The following SPECC1L variants were observed in gnomAD, a reference collection of about 807,000 sequenced individuals.
The protein encoded by SPECC1L is sperm antigen with calponin homology and coiled-coil domains 1 like.
SPECC1L carries 40 observed loss-of-function variants against 116.8 expected under a neutral mutation model. The ratio of observed to expected loss-of-function variants is 0.34; its 90% CI spans 0.27 to 0.45. The LOEUF is 0.45. Among genes scored for constraint, SPECC1L ranks in the 20% least tolerant of loss-of-function variants. The pLI is 1.00. For missense variants in SPECC1L, 1,110 were observed against 1,373.6 expected (o/e 0.81, Z 3.03); for synonymous variants, 504 against 500.6 (o/e 1.01, Z -0.09).
At chr22:24,412,846 C>CCCAG in intron 16 of SPECC1L, 139 bp downstream of exon 16, 1 of 868,114 alleles carries the variant, frequency 1.2e-6, no homozygotes, top group Non-Finnish European at 1.9e-6. Flanking sequence ...GCTCTGGGGC[C>CCCAG]AAGGGAGGGT....
intron 14 of SPECC1L, among the ~76,000 whole-genome samples, chr22:24,403,589 T>C (rs536198772): frequency 6.6e-6 from 1 of 151,956 alleles, no homozygotes; most frequent in East Asian, 1.9e-4. Context: ...AGGACATGAG[T>C]GCAGAGTGGA....
intron 11 of SPECC1L, among the ~76,000 whole-genome samples, chr22:24,354,178 A>G (rs2041481033): frequency 6.6e-6 from 1 of 151,970 alleles, no homozygotes; most frequent in Non-Finnish European, 1.5e-5. Flanking sequence ...TGACCCGGGT[A>G]CCTCCTACCA....
chr22:24,361,852 A>G (rs1329184475), intron 11 of SPECC1L, among the ~76,000 whole-genome samples: 6 of 151,786 alleles, frequency 4.0e-5, no homozygotes, highest in Admixed American at 1.3e-4. Flanking sequence ...AAGAAGAAGA[A>G]GAGGAAGAGG....
At position 24,405,380 on chromosome 22, in the gene SPECC1L, A is replaced by G. The variant is rs570411431; in HGVS notation, c.3088-6208A>G. On this transcript the variant is annotated intron_variant, in intron 14 of 16. Transcript: ENST00000314328. ...GAGGTTTACAGGTCACATGAATATG[A>G]TGAGGGTCAGCAGAATTGCGGCCAC... Among the ~76,000 whole-genome samples, 67 of 151,604 alleles carry G rather than the reference A, an allele frequency of 4.4e-4. 3 individuals are homozygous for G. In the South Asian group the frequency reaches 0.012, roughly 26 times the overall value.
At chr22:24,407,662 C>G (rs775735480) in intron 14 of SPECC1L, among the ~76,000 whole-genome samples, 44 of 152,322 alleles carry the variant, frequency 2.9e-4, no homozygotes, top group Middle Eastern at 3.4e-3. Flanking sequence ...CTGGCCCCCT[C>G]TCCCTGCAAG....
chr22:24,345,117 G>C (rs2041263950), intron 10 of SPECC1L, among the ~76,000 whole-genome samples: 2 of 152,158 alleles, frequency 1.3e-5, no homozygotes, highest in Admixed American at 6.5e-5. Context: ...TGGAGGACTT[G>C]TACTACCTGA....
rs11398083 is a variant in SPECC1L at position 24,334,014 on chromosome 22, G to GTT, written c.2397-381_2397-380dup. Among the ~76,000 whole-genome samples the GTT allele has an allele frequency of 4.2e-3, 558 of 132,502 alleles. 4 individuals are homozygous for GTT. Among genetic ancestry groups the GTT allele is most frequent in the Non-Finnish European group, 5.3e-3 (325 of 61,114 alleles). 86.9% of individuals were successfully genotyped at this position (132,502 alleles called of 152,430 possible). A position where few individuals can be genotyped will look rare whatever the true frequency, so the allele number is the denominator to read the frequency against. ...TTTTTTAAACTGATAGTTTTTTGTTGTTTTTTTTTTTTTTTTGAGATGGAG... is the reference window on the plus strand; with the variant it reads ...TTTTTTAAACTGATAGTTTTTTGTTGTTTTTTTTTTTTTTTTTTGAGATGGAG... On this transcript the variant is annotated intron_variant, in intron 8 of 16. Coordinates refer to ENST00000314328, the MANE Select transcript of SPECC1L (RefSeq NM_015330.6).
In SPECC1L at chr22:24,321,432, C is replaced by T. The variant is rs773788526; in HGVS notation, c.452C>T (p.Ala151Val). The change falls in exon 5 of 17, where the codon GCC becomes GTC. Residue 151 changes from alanine (A) to valine (V), a missense_variant. By Grantham distance (64) the Ala-to-Val change is moderately conservative. Transcript: ENST00000314328. ...CAGGGAGCTAATGACATGGCATTGG[C>T]CAAACGTTCCCGCAGTCGAACTGCT... ...AGQGANDMAL[A>V]KRSRSRTATE... The T allele has an allele frequency of 1.7e-5, 27 of 1,614,110 alleles. No homozygotes were observed. The highest frequency in any genetic ancestry group is 1.6e-4 in the Middle Eastern group (1 of 6,084).
chr22:24,335,179 A>G (rs745989521), intron 9 of SPECC1L, among the ~76,000 whole-genome samples: 15 of 152,164 alleles, frequency 9.9e-5, no homozygotes, highest in Non-Finnish European at 2.1e-4. Flanking sequence ...TCTTCTCTCC[A>G]TCTCTAGCGG....
chr22:24,273,868 C>T (rs988416539), intron 1 of SPECC1L, among the ~76,000 whole-genome samples: 2 of 152,242 alleles, frequency 1.3e-5, no homozygotes, highest in Admixed American at 6.5e-5. Context: ...AAGCGATTCT[C>T]CTGCCTCAGC....
chr22:24,272,327 T>C (rs1380316221), intron 1 of SPECC1L, among the ~76,000 whole-genome samples: 1 of 152,134 alleles, frequency 6.6e-6, no homozygotes, highest in East Asian at 1.9e-4. Context: ...TTCGCGCCAC[T>C]GTACCCCAGC....
At position 24,365,458 on chromosome 22, in the gene SPECC1L, A is replaced by G. The variant is rs1414614304; in HGVS notation, c.2828-18A>G. ...AAAATGTTTTTGCTATAGAGTGCAT[A>G]ATGACTATTTCTCACAGTGTCTCGA... is the stretch of plus-strand genomic sequence containing the variant. On this transcript the variant is annotated intron_variant, in intron 12 of 16. Coordinates refer to ENST00000314328, the MANE Select transcript of SPECC1L (RefSeq NM_015330.6). The G allele has an allele frequency of 1.2e-6, 2 of 1,613,516 alleles. No individual in the cohort carries two copies. The highest frequency in any genetic ancestry group is 1.7e-5 in the Admixed American group (1 of 60,010).
At chr22:24,298,539 TC>T (rs1330894955) in intron 2 of SPECC1L, among the ~76,000 whole-genome samples, 1 of 152,142 alleles carries the variant, frequency 6.6e-6, no homozygotes, top group Non-Finnish European at 1.5e-5. Context: ...CAGCTAGAGA[TC>T]CAGGAAAGCT....
intron 3 of SPECC1L, among the ~76,000 whole-genome samples, chr22:24,308,229 T>A (rs2049540871): frequency 6.6e-6 from 1 of 152,188 alleles, no homozygotes; most frequent in African/African-American, 2.4e-5. Context: ...TTCATTAAAT[T>A]TTGCCAGTTG....
At chr22:24,408,926 G>A (rs929689421) in intron 14 of SPECC1L, among the ~76,000 whole-genome samples, 31 of 152,252 alleles carry the variant, frequency 2.0e-4, no homozygotes, top group Non-Finnish European at 2.2e-4. Context: ...CTGGACTGAC[G>A]GTCTCCCTCG....
At chr22:24,375,012 A>AC (rs150590518) in intron 14 of SPECC1L, among the ~76,000 whole-genome samples, 5,565 of 152,258 alleles carry the variant, frequency 0.037, 303 homozygotes, top group South Asian at 0.12. Context: ...GTTACTAATG[A>AC]CCTTAAGAAA....
intron 6 of SPECC1L, among the ~76,000 whole-genome samples, chr22:24,325,160 T>C (rs1318100628): frequency 1.3e-5 from 2 of 152,204 alleles, no homozygotes; most frequent in African/African-American, 2.4e-5. Flanking sequence ...AGGAAGATCA[T>C]AGTAGTAGTT....
chr22:24,401,867 A>G (rs2042481549), intron 14 of SPECC1L, among the ~76,000 whole-genome samples: 1 of 152,174 alleles, frequency 6.6e-6, no homozygotes, highest in South Asian at 2.1e-4. Flanking sequence ...AGCGTAGGAA[A>G]ACCCGAAAAA....
At chr22:24,346,896 A>G (rs1035794337) in intron 10 of SPECC1L, among the ~76,000 whole-genome samples, 190 bp from the exon 11 acceptor site, 3 of 152,206 alleles carry the variant, frequency 2.0e-5, no homozygotes, top group South Asian at 2.1e-4. Flanking sequence ...TTACCCCATA[A>G]TAAAAAGTCT....
Sources: gnomAD v4.1 joint callset for allele counts (sites outside exome capture counted in the v4.1 genomes callset) on GRCh38, gnomAD v4.1.1 for gene constraint, MANE v1.5 for transcripts, NCBI Gene and HGNC (gene_info 2026-07-23, HGNC 2026-07-21) for gene names.